Variants in ARSA observed in about 807,000 individuals in gnomAD.
The protein encoded by ARSA is cerebroside-sulfatase.
Under a neutral mutation model 37.8 loss-of-function variants are expected in ARSA, and 32 were observed. That is an observed-to-expected ratio of 0.85 (90% CI 0.64 to 1.14). ARSA has a LOEUF of 1.14. Among genes scored for constraint, ARSA ranks in the 50% most tolerant of loss-of-function variants. ARSA has a pLI of 0.00. For missense variants in ARSA, 685 were observed against 686.3 expected, an observed-to-expected ratio of 1.00 and a Z score of 0.02; for synonymous variants, 303 against 303.4, an observed-to-expected ratio of 1.00 and a Z score of 0.01.
Position 50,627,397 on chromosome 22 carries a change from G to A in ARSA, c.234C>T (p.Leu78=), listed in dbSNP as rs1158352334. 8.7e-6 allele frequency: 14 copies of A among 1,608,234 alleles called. No individual in the cohort carries two copies. Among genetic ancestry groups the A allele is most frequent in the Middle Eastern group, 1.7e-4 (1 of 6,030 alleles). The change falls in exon 2 of 8, where the codon CTC becomes CTT. Residue 78 remains leucine (L), a synonymous_variant. Transcript: ENST00000216124. ...TCCGAACCGGGAGCCGGCCGGTCAG[G>A]AGGGCGGCCCTGCGGGACAAGTCAC... ...VSLCTPSRAA[L]LTGRLPVRMG... is the part of the protein sequence containing the mutation.
chr22:50,626,235 A>G lies in ARSA; in HGVS notation c.898T>C (p.Leu300=). Reference sequence around the variant, plus strand: ...TAGGTCGTTCCCTTTCCACACCGCAAGAGACCGGAGCAGCCGCCTCGGGAC... The same window carrying G: ...TAGGTCGTTCCCTTTCCACACCGCAGGAGACCGGAGCAGCCGCCTCGGGAC... ...RMSRGGCSGL[L]RCGKGTTYEG... The change falls in exon 5 of 8, where the codon TTG becomes CTG. Residue 300 remains leucine (L), a synonymous_variant. Coordinates refer to ENST00000216124, the MANE Select transcript of ARSA (RefSeq NM_000487.6). The G allele has an allele frequency of 4.3e-6, 7 of 1,613,598 alleles. No homozygotes were observed. The highest frequency in any genetic ancestry group is 5.9e-6 in the Non-Finnish European group (7 of 1,179,944).
rs2082611835 is a variant in ARSA at position 50,623,036 on chromosome 22, TG to T, written c.*2108del. 6.6e-6 allele frequency: 1 copy of T among 151,936 alleles called. No individual in the cohort carries two copies. 9.4% of individuals were successfully genotyped at this position (151,936 alleles called of 1,614,324 possible). A position where few individuals can be genotyped will look rare whatever the true frequency, so the allele number is the denominator to read the frequency against. On this transcript the variant is annotated 3_prime_UTR_variant, in exon 8 of 8. Transcript: ENST00000216124. ...GGGACCTTTGCCCAGCACTGAAAAA[TG>T]GGAGCCCATTAGGAAGGAGGTGGCT...
chr22:50,625,389 A>G lies in ARSA; in HGVS notation c.1286T>C (p.Leu429Pro), dbSNP rs1460092963. ...SSSLTAHEPP[L>P]LYDLSKDPGE... ...AGGGTCCTTGGACAGGTCATAGAGC[A>G]GCGGGGGCTCATGAGCAGTCAGAGA... Residue 429 changes from leucine to proline, a missense_variant, in exon 8 of 8, where the codon CTG becomes CCG. By Grantham distance (98) the Leu-to-Pro change is moderately conservative. Coordinates refer to ENST00000216124, the MANE Select transcript of ARSA (RefSeq NM_000487.6). 2 of 1,601,140 alleles carry G rather than the reference A, an allele frequency of 1.2e-6. No individual in the cohort carries two copies. Among genetic ancestry groups the G allele is most frequent in the South Asian group, 2.2e-5 (2 of 90,274 alleles).
At position 50,623,915 on chromosome 22, in the gene ARSA, AAAAAAAAAAAAAAAAAAAAAAAAC is replaced by A. The variant is rs2082623801; in HGVS notation, c.*1206_*1229del. 1 of 7,004 alleles carries A rather than the reference AAAAAAAAAAAAAAAAAAAAAAAAC, an allele frequency of 1.4e-4. No individual in the cohort carries two copies. Among genetic ancestry groups the A allele is most frequent in the Non-Finnish European group, 3.0e-4 (1 of 3,386 alleles). 0.4% of individuals were successfully genotyped at this position (7,004 alleles called of 1,614,324 possible). ...CTCCGTCTCAAAAAAAAAAAAAAAA[AAAAAAAAAAAAAAAAAAAAAAAAC>A]AAAAACAAATCTTTAGAGCTGGGGT... On this transcript the variant is annotated 3_prime_UTR_variant, in exon 8 of 8. Coordinates refer to ENST00000216124, the MANE Select transcript of ARSA (RefSeq NM_000487.6).
In ARSA at chr22:50,626,873, C is replaced by A. The variant is rs757515500; in HGVS notation, c.645G>T (p.Gln215His). Residue 215 changes from glutamine (Q) to histidine (H), a missense_variant, in exon 3 of 8, where the codon CAG becomes CAT. Gln to His is a conservative substitution (Grantham distance 24). Coordinates refer to ENST00000216124, the MANE Select transcript of ARSA (RefSeq NM_000487.6). The part of the protein sequence containing the change: ...AFAHDLMADA[Q>H]RQDRPFFLYY... ...ACAGGAAGAAGGGGCGATCCTGGCG[C>A]TGGGCGTCGGCCATGAGGTCATGGG... 1.2e-5 allele frequency: 20 copies of A among 1,613,412 alleles called. No homozygotes were observed. The highest frequency in any genetic ancestry group is 1.5e-5 in the Non-Finnish European group (18 of 1,179,814).
chr22:50,626,876 G>C lies in ARSA; in HGVS notation c.642C>G (p.Ala214=), dbSNP rs372713506. 4 of 1,613,468 alleles carry C rather than the reference G, an allele frequency of 2.5e-6. No individual in the cohort carries two copies. The East Asian group carries it at 8.9e-5, about 36-fold the overall frequency. The change falls in exon 3 of 8, where the codon GCC becomes GCG. Residue 214 remains alanine, a synonymous_variant. Coordinates refer to ENST00000216124, the MANE Select transcript of ARSA (RefSeq NM_000487.6). The part of the protein sequence containing the change: ...MAFAHDLMAD[A]QRQDRPFFLY... ...GGAAGAAGGGGCGATCCTGGCGCTG[G>C]GCGTCGGCCATGAGGTCATGGGCGA... is the stretch of plus-strand genomic sequence containing the variant.
In ARSA at chr22:50,626,902, A is replaced by C. The variant is rs1458750861; in HGVS notation, c.616T>G (p.Phe206Val). The change falls in exon 3 of 8, where the codon TTC becomes GTC. Residue 206 changes from phenylalanine (F) to valine (V), a missense_variant. Physicochemically the swap from Phe to Val is conservative, Grantham distance 50. Transcript: ENST00000216124. Reference sequence around the variant, plus strand: ...GCGTCGGCCATGAGGTCATGGGCGAAAGCCATGTAGCGGGCCTCTAGTCCG... The same window carrying C: ...GCGTCGGCCATGAGGTCATGGGCGACAGCCATGTAGCGGGCCTCTAGTCCG... ...LPGLEARYMA[F>V]AHDLMADAQR... is the part of the protein sequence containing the mutation. 6.2e-7 allele frequency: 1 copy of C among 1,613,396 alleles called. No homozygotes were observed. The highest frequency in any genetic ancestry group is 1.7e-5 in the Admixed American group (1 of 60,032).
intron 1 of ARSA, 69 bp from the exon 2 acceptor site, chr22:50,627,475 G>T: frequency 6.3e-7 from 1 of 1,596,560 alleles, no homozygotes; most frequent in Non-Finnish European, 8.5e-7. Flanking sequence ...AGAGACAGAC[G>T]TTTTTCCCGC....
rs2082621572 is a variant in ARSA, at chr22:50,623,837, T to C, written c.*1308A>G. The stretch of plus-strand genomic sequence containing the variant: ...TCCCTGGAACCCGGGAGGCGGAGGT[T>C]GCAGTGAGCGGAGATGGTACCACTG... On this transcript the variant is annotated 3_prime_UTR_variant, in exon 8 of 8. Coordinates refer to ENST00000216124, the MANE Select transcript of ARSA (RefSeq NM_000487.6). 2 of 130,132 alleles carry C rather than the reference T, an allele frequency of 1.5e-5. 1 individual carries two copies. Among genetic ancestry groups the C allele is most frequent in the African/African-American group, 5.8e-5 (2 of 34,364 alleles). 8.1% of individuals were successfully genotyped at this position (130,132 alleles called of 1,614,324 possible).
chr22:50,626,144 G>T lies in ARSA; in HGVS notation c.979+10C>A. 6.2e-7 allele frequency: 1 copy of T among 1,600,644 alleles called. No individual in the cohort carries two copies. Among genetic ancestry groups the T allele is most frequent in the Non-Finnish European group, 8.5e-7 (1 of 1,174,928 alleles). Reference sequence around the variant, plus strand: ...GGCCAGGGTTCCAAGGAGAGGGCCTGCGGACTGACCGGGAGCGATATGACC... The same window carrying T: ...GGCCAGGGTTCCAAGGAGAGGGCCTTCGGACTGACCGGGAGCGATATGACC... On this transcript the variant is annotated intron_variant, in intron 5 of 7. Transcript: ENST00000216124.
In ARSA at chr22:50,626,197, G is replaced by C; in HGVS notation, c.936C>G (p.Val312=). The change falls in exon 5 of 8, where the codon GTC becomes GTG. Residue 312 remains valine, a synonymous_variant. Transcript: ENST00000216124. The stretch of plus-strand genomic sequence containing the variant: ...GCCAGAAGGCCAAGGCAGGCTCTCG[G>C]ACACCGCCCTCGTAGGTCGTTCCCT... The part of the protein sequence containing the change: ...CGKGTTYEGG[V]REPALAFWPG... 1.9e-6 allele frequency: 3 copies of C among 1,611,570 alleles called. No homozygotes were observed. The highest frequency in any genetic ancestry group is 2.5e-6 in the Non-Finnish European group (3 of 1,179,242).
chr22:50,625,241 C>T lies in ARSA; in HGVS notation c.1434G>A (p.Gln478=), dbSNP rs769169905. ...LDAAVTFGPS[Q]VARGEDPALQ... is the part of the protein sequence containing the mutation. ...GGGCGGGGTCCTCGCCCCGGGCCAC[C>T]TGGCTGGGGCCGAAGGTCACAGCTG... is the stretch of plus-strand genomic sequence containing the variant. The change falls in exon 8 of 8, where the codon CAG becomes CAA. Residue 478 remains glutamine, a synonymous_variant. Coordinates refer to ENST00000216124, the MANE Select transcript of ARSA (RefSeq NM_000487.6). The T allele has an allele frequency of 7.4e-6, 12 of 1,611,116 alleles. No individual in the cohort carries two copies. The highest frequency in any genetic ancestry group is 6.8e-6 in the Non-Finnish European group (8 of 1,178,878).
Position 50,625,182 on chromosome 22 carries a change from C to CG in ARSA, c.1492dup (p.Arg498ProfsTer75), listed in dbSNP as rs774153480. 4.4e-6 allele frequency: 7 copies of CG among 1,594,474 alleles called. No homozygotes were observed. Among genetic ancestry groups the CG allele is most frequent in the African/African-American group, 2.7e-5 (2 of 74,646 alleles). On this transcript the variant is annotated frameshift_variant, in exon 8 of 8. Coordinates refer to ENST00000216124, the MANE Select transcript of ARSA (RefSeq NM_000487.6). LOFTEE classifies it high-confidence loss of function. ...ATCTGGGCAATGGCAGCAAGCTGGG[C>CG]GGGGGGTGCAGCCAGGATGACAGCA...
At position 50,626,297 on chromosome 22, in the gene ARSA, T is replaced by C. The variant is rs945219669; in HGVS notation, c.855-19A>G. On this transcript the variant is annotated intron_variant, in intron 4 of 7. Transcript: ENST00000216124. ...CTCAGGTCTGGGACACAGGAGGCGC[T>C]CATGAGCCATGGAGCCACAGCCTCT... is the stretch of plus-strand genomic sequence containing the variant. 5 of 1,608,386 alleles carry C rather than the reference T, an allele frequency of 3.1e-6. No individual in the cohort carries two copies. In the African/African-American group the frequency reaches 5.3e-5, roughly 17 times the overall value.
At chr22:50,626,373 C>A in intron 4 of ARSA, 95 bp from the exon 5 acceptor site, 7 of 1,562,356 alleles carry the variant, frequency 4.5e-6, no homozygotes, top group Non-Finnish European at 6.0e-6. Context: ...ACAAAGCTTG[C>A]CCGGAGGTGC....
In ARSA at chr22:50,625,924, C is replaced by T. The variant is rs1569078124; in HGVS notation, c.1107+12G>A. On this transcript the variant is annotated intron_variant, in intron 6 of 7. Transcript: ENST00000216124. ...GGGCCAAGGATCTGGGATCAGGGGT[C>T]ACCGGCCCTACCTTGCCTGTGCCCA... is the stretch of plus-strand genomic sequence containing the variant. The T allele has an allele frequency of 6.4e-7, 1 of 1,569,098 alleles. No individual in the cohort carries two copies. The highest frequency in any genetic ancestry group is 2.3e-5 in the East Asian group (1 of 43,216).
In ARSA at chr22:50,625,634, G is replaced by A. The variant is rs149088203; in HGVS notation, c.1155C>T (p.Val385=). The change falls in exon 7 of 8, where the codon GTC becomes GTT. Residue 385 remains valine (V), a synonymous_variant. Coordinates refer to ENST00000216124, the MANE Select transcript of ARSA (RefSeq NM_000487.6). The part of the protein sequence containing the change: ...LFFYPSYPDE[V]RGVFAVRTGK... ...CAGTCCGCACAGCAAAAACCCCACG[G>A]ACCTCGTCTGGGTAGGACGGGTAGA... 5.0e-6 allele frequency: 8 copies of A among 1,613,800 alleles called. No homozygotes were observed. Among genetic ancestry groups the A allele is most frequent in the Non-Finnish European group, 6.8e-6 (8 of 1,179,986 alleles).
At chr22:50,627,466 G>A in intron 1 of ARSA, 60 bp from the exon 2 acceptor site, 1 of 1,602,236 alleles carries the variant, frequency 6.2e-7, no homozygotes, top group East Asian at 2.2e-5. Context: ...CCTAGAGAGA[G>A]AGACAGACGT....
chr22:50,626,499 CCACT>C (rs1176063087), intron 4 of ARSA, 88 bp downstream of exon 4: 1 of 1,580,522 alleles, frequency 6.3e-7, no homozygotes, highest in Admixed American at 1.7e-5. Flanking sequence ...ACCCCCTCAC[CCACT>C]ATGTTCTTGG....
Sources: gnomAD v4.1 joint callset for allele counts on GRCh38, gnomAD v4.1.1 for gene constraint, MANE v1.5 for transcripts, NCBI Gene and HGNC (gene_info 2026-07-23, HGNC 2026-07-21) for gene names.